Variants in KCNT2 observed in about 807,000 individuals in gnomAD.
KCNT2 encodes the protein potassium sodium-activated channel subfamily T member 2, also known as potassium channel subfamily T member 2.
Under a neutral mutation model 153.8 loss-of-function variants are expected in KCNT2, and 67 were observed. That is an observed-to-expected ratio of 0.44 (90% CI 0.36 to 0.53). The LOEUF (loss-of-function observed/expected upper bound fraction) is 0.53, where lower values mean the gene tolerates loss of function less well. Ranked by LOEUF, KCNT2 falls within the 20% of genes least tolerant of loss-of-function variation. The pLI, the probability that KCNT2 is intolerant of heterozygous loss-of-function variation, is 0.00. For synonymous variants in KCNT2, 500 were observed against 458.8 expected (o/e 1.09, Z -1.15); for missense variants, 975 against 1,354.8 (o/e 0.72, Z 4.40).
chr1:196,294,699 G>C (rs1431876736), intron 22 of KCNT2, among the ~76,000 whole-genome samples: 1 of 152,080 alleles, frequency 6.6e-6, no homozygotes, highest in Non-Finnish European at 1.5e-5. Context: ...GAGATGTCTT[G>C]CATGCCTATG....
intron 1 of KCNT2, among the ~76,000 whole-genome samples, chr1:196,523,048 C>T (rs1653675389): frequency 6.6e-6 from 1 of 152,214 alleles, no homozygotes; most frequent in Non-Finnish European, 1.5e-5. Context: ...GCTGCTCACT[C>T]TTTGGGTCCA....
intron 1 of KCNT2, among the ~76,000 whole-genome samples, chr1:196,537,839 T>C (rs1422862033): frequency 1.3e-5 from 2 of 152,170 alleles, no homozygotes; most frequent in Non-Finnish European, 2.9e-5. Flanking sequence ...CATTCTTATC[T>C]CTCGTGGGGG....
At chr1:196,542,364 T>G (rs1656494033) in intron 1 of KCNT2, among the ~76,000 whole-genome samples, 1 of 152,178 alleles carries the variant, frequency 6.6e-6, no homozygotes, top group African/African-American at 2.4e-5. Flanking sequence ...ACTGCATCTA[T>G]GGACACAAAA....
At chr1:196,581,264 C>A (rs1274260250) in intron 1 of KCNT2, among the ~76,000 whole-genome samples, 2 of 151,808 alleles carry the variant, frequency 1.3e-5, no homozygotes, top group Non-Finnish European at 2.9e-5. Flanking sequence ...AAAAATTATT[C>A]TTACATGATA....
chr1:196,534,741 T>G (rs1304786260), intron 1 of KCNT2, among the ~76,000 whole-genome samples: 1 of 152,176 alleles, frequency 6.6e-6, no homozygotes, highest in African/African-American at 2.4e-5. Flanking sequence ...TGATATACAT[T>G]AGATAGATCG....
intron 3 of KCNT2, among the ~76,000 whole-genome samples, chr1:196,484,445 G>T (rs1300840161): frequency 6.6e-6 from 1 of 151,872 alleles, no homozygotes; most frequent in African/African-American, 2.4e-5. Context: ...TGGGTAGATT[G>T]AAAAAATTTC....
rs866080648 is a variant in KCNT2 at position 196,294,777 on chromosome 1, G to A, written c.2596-9019C>T. Among the ~76,000 whole-genome samples, 16 of 150,364 alleles carry A rather than the reference G, an allele frequency of 1.1e-4. No homozygotes were observed. The East Asian group carries it at 1.2e-3, about 11-fold the overall frequency. On this transcript the variant is annotated intron_variant, in intron 22 of 27. Coordinates refer to ENST00000294725, the MANE Select transcript of KCNT2 (RefSeq NM_198503.5). ...CCTAGGTGTCCATCATCAGATTAAC[G>A]GATAAAGAAAATATGATATATATAT... is the stretch of plus-strand genomic sequence containing the variant.
At chr1:196,541,012 G>A (rs1446323797) in intron 1 of KCNT2, among the ~76,000 whole-genome samples, 4 of 151,978 alleles carry the variant, frequency 2.6e-5, no homozygotes, top group Admixed American at 6.6e-5. Flanking sequence ...GTTGCAGTGA[G>A]CCGAGATCGC....
intron 1 of KCNT2, among the ~76,000 whole-genome samples, chr1:196,582,932 A>G (rs1662239995): frequency 6.6e-6 from 1 of 152,140 alleles, no homozygotes; most frequent in African/African-American, 2.4e-5. Flanking sequence ...ATTATAAAAT[A>G]CAGAGATTTG....
At chr1:196,351,512 T>A (rs1194680927) in intron 14 of KCNT2, among the ~76,000 whole-genome samples, 1 of 152,042 alleles carries the variant, frequency 6.6e-6, no homozygotes, top group Admixed American at 6.6e-5. Context: ...GTTTGTCTGT[T>A]ATTGGTGTAT....
intron 5 of KCNT2, among the ~76,000 whole-genome samples, chr1:196,477,983 C>T (rs1021805436): frequency 6.6e-6 from 1 of 152,174 alleles, no homozygotes; most frequent in Non-Finnish European, 1.5e-5. Context: ...GTGTGTTCAC[C>T]AGTACCTGAA....
chr1:196,294,026 C>A (rs1226466066), intron 22 of KCNT2, among the ~76,000 whole-genome samples: 1 of 151,912 alleles, frequency 6.6e-6, no homozygotes, highest in African/African-American at 2.4e-5. Flanking sequence ...ATAACTGAGT[C>A]ACAAAAAAGA....
intron 22 of KCNT2, among the ~76,000 whole-genome samples, chr1:196,288,810 T>C (rs533234757): frequency 6.6e-6 from 1 of 152,148 alleles, no homozygotes; most frequent in East Asian, 1.9e-4. Flanking sequence ...GACTTGGGTT[T>C]TGATGCCAGT....
At chr1:196,571,704 C>G (rs1042601675) in intron 1 of KCNT2, among the ~76,000 whole-genome samples, 7 of 152,002 alleles carry the variant, frequency 4.6e-5, no homozygotes, top group African/African-American at 1.7e-4. Context: ...TATAGGGCTT[C>G]TGAGATCTAT....
At chr1:196,388,717 G>C (rs1670220644) in intron 13 of KCNT2, among the ~76,000 whole-genome samples, 1 of 151,448 alleles carries the variant, frequency 6.6e-6, no homozygotes, top group Admixed American at 6.6e-5. Context: ...AAATAAAATT[G>C]ATTTCTGTAT....
intron 1 of KCNT2, among the ~76,000 whole-genome samples, chr1:196,554,071 C>T (rs1022221974): frequency 3.3e-5 from 5 of 150,792 alleles, no homozygotes; most frequent in Admixed American, 2.0e-4. Flanking sequence ...TCTTGCCAAA[C>T]ATCAAATAAA....
rs1028686047 is a variant in KCNT2 at position 196,608,440 on chromosome 1, G to C, written c.-131C>G. 3 of 717,956 alleles carry C rather than the reference G, an allele frequency of 4.2e-6. No individual in the cohort carries two copies. The highest frequency in any genetic ancestry group is 7.3e-6 in the Non-Finnish European group (3 of 409,212). The allele number at this position is 717,956 out of a possible 1,614,324, so 44.5% of individuals were successfully genotyped here. A position where few individuals can be genotyped will look rare whatever the true frequency, so the allele number is the denominator to read the frequency against. On this transcript the variant is annotated 5_prime_UTR_variant, in exon 1 of 28. Coordinates refer to ENST00000294725, the MANE Select transcript of KCNT2 (RefSeq NM_198503.5). ...CGAGAGAGGGATGGGAGAAGGGGAAGGGGACAGGGAGGGGGAGGGGGTCCG... is the reference window on the plus strand; with the variant it reads ...CGAGAGAGGGATGGGAGAAGGGGAACGGGACAGGGAGGGGGAGGGGGTCCG...
chr1:196,377,205 T>G (rs1202481149), intron 13 of KCNT2, among the ~76,000 whole-genome samples: 1 of 151,834 alleles, frequency 6.6e-6, no homozygotes, highest in Non-Finnish European at 1.5e-5. Context: ...TACAGAAACA[T>G]TATTCTAGAA....
chr1:196,572,609 A>G (rs887410965), intron 1 of KCNT2, among the ~76,000 whole-genome samples: 1 of 152,094 alleles, frequency 6.6e-6, no homozygotes, highest in African/African-American at 2.4e-5. Flanking sequence ...GTAGGTCATC[A>G]TTATCATGGA....
Sources: allele counts gnomAD v4.1 joint callset (sites outside exome capture counted in the v4.1 genomes callset), GRCh38; gene constraint gnomAD v4.1.1; transcripts MANE v1.5; gene names NCBI Gene and HGNC (gene_info 2026-07-23, HGNC 2026-07-21).